The following SCFD2 variants were observed in gnomAD, a reference collection of about 807,000 sequenced individuals.
The protein encoded by SCFD2 is sec1 family domain containing 2.
Under a neutral mutation model 58.9 loss-of-function variants are expected in SCFD2, and 54 were observed. That is an observed-to-expected ratio of 0.92 (90% CI 0.74 to 1.15). The LOEUF (loss-of-function observed/expected upper bound fraction) is 1.15. Among genes scored for constraint, SCFD2 ranks in the 50% most tolerant of loss-of-function variants. The pLI is 0.00. For missense variants in SCFD2, 805 were observed against 836.6 expected (o/e 0.96, Z 0.47); for synonymous variants, 321 against 335.9 (o/e 0.96, Z 0.49).
intron 7 of SCFD2, among the ~76,000 whole-genome samples, chr4:52,902,142 T>G (rs1168461072): frequency 6.6e-6 from 1 of 152,182 alleles, no homozygotes; most frequent in Non-Finnish European, 1.5e-5. Context: ...CTGAGTAGCT[T>G]GGGGCTTCTG....
intron 5 of SCFD2, among the ~76,000 whole-genome samples, chr4:53,120,383 G>A (rs1577745172): frequency 6.6e-6 from 1 of 152,278 alleles, no homozygotes; most frequent in East Asian, 1.9e-4. Flanking sequence ...TTTTGCAGAT[G>A]AGAAACTTAA....
At chr4:52,956,157 A>C (rs905954498) in intron 5 of SCFD2, 2 of 456,562 alleles carry the variant, frequency 4.4e-6, no homozygotes, top group Non-Finnish European at 8.8e-6. Context: ...GAAGAAGCCC[A>C]AGACTACTGC....
chr4:53,242,323 A>C (rs1317391890), intron 4 of SCFD2, among the ~76,000 whole-genome samples: 4 of 152,194 alleles, frequency 2.6e-5, no homozygotes, highest in African/African-American at 9.6e-5. Context: ...CAGTGCCAAT[A>C]CCAGTCACCC....
At chr4:53,299,766 A>G (rs1314316894) in intron 3 of SCFD2, among the ~76,000 whole-genome samples, 1 of 152,216 alleles carries the variant, frequency 6.6e-6, no homozygotes, top group African/African-American at 2.4e-5. Context: ...AAACTCTACA[A>G]GCCAGAAGAG....
intron 5 of SCFD2, among the ~76,000 whole-genome samples, chr4:52,939,006 C>T (rs1253447149): frequency 6.6e-6 from 1 of 152,166 alleles, no homozygotes; most frequent in African/African-American, 2.4e-5. Context: ...CCCCCTTTTA[C>T]CTGCCTCAGT....
At chr4:53,118,929 A>G (rs1414777075) in intron 5 of SCFD2, among the ~76,000 whole-genome samples, 1 of 152,210 alleles carries the variant, frequency 6.6e-6, no homozygotes, top group Non-Finnish European at 1.5e-5. Flanking sequence ...AACAACTCTG[A>G]TAGAATTCAC....
intron 5 of SCFD2, among the ~76,000 whole-genome samples, chr4:53,055,246 C>T (rs1723303256): frequency 6.6e-6 from 1 of 152,112 alleles, no homozygotes; most frequent in African/African-American, 2.4e-5. Context: ...TTGCTAGGGT[C>T]ACACAGACAG....
At chr4:53,094,534 C>T (rs1724563225) in intron 5 of SCFD2, among the ~76,000 whole-genome samples, 1 of 151,994 alleles carries the variant, frequency 6.6e-6, no homozygotes, top group Admixed American at 6.6e-5. Context: ...ACCCTATCTC[C>T]AAATACAGTT....
At chr4:52,956,219 C>T (rs1338988049) in intron 5 of SCFD2, 2 of 456,714 alleles carry the variant, frequency 4.4e-6, no homozygotes, top group Non-Finnish European at 4.4e-6. Flanking sequence ...CCCCTACATC[C>T]TACCTGCCTC....
chr4:53,195,261 C>T (rs1486275494), intron 4 of SCFD2, among the ~76,000 whole-genome samples: 1 of 152,096 alleles, frequency 6.6e-6, no homozygotes, highest in East Asian at 1.9e-4. Context: ...CAAGTGAGAT[C>T]CACTAAAATT....
intron 5 of SCFD2, among the ~76,000 whole-genome samples, chr4:53,013,889 C>T (rs1722153260): frequency 6.6e-6 from 1 of 152,068 alleles, no homozygotes; most frequent in South Asian, 2.1e-4. Flanking sequence ...TATAGTCCTC[C>T]CATCTTATGA....
Position 53,145,670 on chromosome 4 carries a change from A to C in SCFD2, c.1312-88T>G, listed in dbSNP as rs1248969930. 8 of 1,197,146 alleles carry C rather than the reference A, an allele frequency of 6.7e-6. No individual in the cohort carries two copies. The East Asian group carries it at 1.9e-4, about 28-fold the overall frequency. 74.2% of individuals were successfully genotyped at this position (1,197,146 alleles called of 1,614,324 possible). A position where few individuals can be genotyped will look rare whatever the true frequency, so the allele number is the denominator to read the frequency against. On this transcript the variant is annotated intron_variant, in intron 4 of 8. Coordinates refer to ENST00000401642, the MANE Select transcript of SCFD2 (RefSeq NM_152540.4). ...ATTAGTCGAATGATAGCTTTCAAAC[A>C]AGTCTGTATATGATATTTACTGACT...
chr4:53,060,109 C>T (rs1723462234), intron 5 of SCFD2, among the ~76,000 whole-genome samples: 1 of 152,060 alleles, frequency 6.6e-6, no homozygotes, highest in South Asian at 2.1e-4. Context: ...TTCCATAATA[C>T]TTAGGCCAAG....
rs1392769232 is a variant in SCFD2 at position 52,873,769 on chromosome 4, AC to A, written c.*199del. The A allele has an allele frequency of 2.2e-6, 1 of 450,248 alleles. No homozygotes were observed. Among genetic ancestry groups the A allele is most frequent in the Non-Finnish European group, 4.0e-6 (1 of 252,582 alleles). 27.9% of individuals were successfully genotyped at this position (450,248 alleles called of 1,614,324 possible). On this transcript the variant is annotated 3_prime_UTR_variant, in exon 9 of 9. Transcript: ENST00000401642. ...CTGTCGCCTTCAGGAAAATAAAAAA[AC>A]TTTTTTTTTTTTTTTTTAAGAATCA...
chr4:53,307,597 G>A (rs1370124184), intron 3 of SCFD2, among the ~76,000 whole-genome samples: 3 of 152,172 alleles, frequency 2.0e-5, no homozygotes, highest in Non-Finnish European at 4.4e-5. Flanking sequence ...GTAATTGAAA[G>A]GATAAAAAGA....
intron 5 of SCFD2, among the ~76,000 whole-genome samples, chr4:53,061,772 A>G (rs1053082741): frequency 6.6e-6 from 1 of 152,178 alleles, no homozygotes; most frequent in Non-Finnish European, 1.5e-5. Flanking sequence ...TTGTGTCACA[A>G]GAAATTCTCA....
intron 5 of SCFD2, among the ~76,000 whole-genome samples, chr4:52,981,766 A>G (rs1251013543): frequency 6.6e-6 from 1 of 152,154 alleles, no homozygotes; most frequent in African/African-American, 2.4e-5. Flanking sequence ...GAGAGCCACT[A>G]CCAGGGGTTT....
In SCFD2 at chr4:53,010,781, G is replaced by T. The variant is rs548124870; in HGVS notation, c.1562-89911C>A. ...TCTTTTCCCATTTTGGGGCCGGGCT[G>T]GGGGGCGCGGTCCAGCCTCTCCAAC... On this transcript the variant is annotated intron_variant, in intron 5 of 8. Transcript: ENST00000401642. 3.3e-3 allele frequency among the ~76,000 whole-genome samples: 501 copies of T among 152,188 alleles called. 1 individual carries two copies. The highest frequency in any genetic ancestry group is 0.011 in the African/African-American group (476 of 41,508).
chr4:53,219,596 T>C (rs1728984550), intron 4 of SCFD2, among the ~76,000 whole-genome samples: 1 of 152,136 alleles, frequency 6.6e-6, no homozygotes, highest in South Asian at 2.1e-4. Context: ...GGTGAGGTGA[T>C]GCCTTGCCCT....
Sources: allele counts gnomAD v4.1 joint callset (sites outside exome capture counted in the v4.1 genomes callset), GRCh38; gene constraint gnomAD v4.1.1; transcripts MANE v1.5; gene names NCBI Gene and HGNC (gene_info 2026-07-23, HGNC 2026-07-21).